Variants in ENPP6 observed in about 807,000 individuals in gnomAD.
The protein encoded by ENPP6 is ectonucleotide pyrophosphatase/phosphodiesterase 6.
ENPP6 carries 32 observed loss-of-function variants against 42.0 expected under a neutral mutation model. The ratio of observed to expected loss-of-function variants is 0.76; its 90% CI spans 0.58 to 1.02. The LOEUF (loss-of-function observed/expected upper bound fraction) is 1.02, where lower values mean the gene tolerates loss of function less well. Ranked by LOEUF, ENPP6 falls within the 50% of genes least tolerant of loss-of-function variation. The probability of loss-of-function intolerance (pLI) is 0.00; values close to 1 mark genes in which losing one functional copy is unlikely to be tolerated. For missense variants in ENPP6, 552 were observed against 566.8 expected (o/e 0.97, Z 0.27); for synonymous variants, 213 against 216.0 (o/e 0.99, Z 0.12).
intron 1 of ENPP6, among the ~76,000 whole-genome samples, chr4:184,209,732 A>G (rs941866472): frequency 1.4e-4 from 21 of 148,920 alleles, no homozygotes; most frequent in African/African-American, 5.3e-4. Context: ...GGAAATACAG[A>G]GAACGCCACA....
chr4:184,139,334 T>A (rs1736781839), intron 2 of ENPP6, among the ~76,000 whole-genome samples: 1 of 148,818 alleles, frequency 6.7e-6, no homozygotes, highest in Non-Finnish European at 1.5e-5. Context: ...TGAGGTGAAT[T>A]TTTTTTTTTT....
At chr4:184,193,364 A>T (rs1732734745) in intron 1 of ENPP6, among the ~76,000 whole-genome samples, 1 of 152,238 alleles carries the variant, frequency 6.6e-6, no homozygotes, top group Admixed American at 6.5e-5. Flanking sequence ...TTACTGAATG[A>T]AAGCAGCCAG....
At chr4:184,101,698 G>A (rs1420641746) in intron 6 of ENPP6, among the ~76,000 whole-genome samples, 1 of 152,192 alleles carries the variant, frequency 6.6e-6, no homozygotes, top group African/African-American at 2.4e-5. Flanking sequence ...ACCAGGACAA[G>A]TTGGCCATTG....
At chr4:184,094,235 C>A (rs1195506153) in intron 7 of ENPP6, among the ~76,000 whole-genome samples, 2 of 152,190 alleles carry the variant, frequency 1.3e-5, no homozygotes, top group Admixed American at 1.3e-4. Flanking sequence ...AGCCATCATG[C>A]CACTGCACTC....
At chr4:184,167,791 G>T (rs769989882) in intron 1 of ENPP6, among the ~76,000 whole-genome samples, 1 of 152,128 alleles carries the variant, frequency 6.6e-6, no homozygotes, top group South Asian at 2.1e-4. Flanking sequence ...AGCCGCAGCT[G>T]GTTTGTCCTG....
chr4:184,157,456 CTCTT>C lies in ENPP6; in HGVS notation c.242-3727_242-3724del, dbSNP rs908719419. On this transcript the variant is annotated intron_variant, in intron 1 of 7. Transcript: ENST00000296741. ...TTTTCTTTCTTTCTTTTCTTTCTCT[CTCTT>C]TCTTTCCTTCCTTTCCTTTCTTTCC... 2.0e-5 allele frequency among the ~76,000 whole-genome samples: 3 copies of C among 147,388 alleles called. No individual in the cohort carries two copies. In the Admixed American group the frequency reaches 2.1e-4, roughly 10 times the overall value.
intron 6 of ENPP6, among the ~76,000 whole-genome samples, chr4:184,099,584 G>A (rs1052626195): frequency 1.1e-4 from 17 of 152,230 alleles, no homozygotes; most frequent in African/African-American, 4.1e-4. Flanking sequence ...GGCTGAGCCT[G>A]CTTGTGCTTA....
chr4:184,153,724 C>A lies in ENPP6; in HGVS notation c.251G>T (p.Cys84Phe). ...NYYTLMTGRH[C>F]EVHQMIGNYM... is the part of the protein sequence containing the mutation. Reference sequence around the variant, plus strand: ...GTTCCCGATCATCTGATGGACTTCACAATGGCGGCCTATGTCAATGAGAAC... The same window carrying A: ...GTTCCCGATCATCTGATGGACTTCAAAATGGCGGCCTATGTCAATGAGAAC... Residue 84 changes from cysteine to phenylalanine, a missense_variant, in exon 2 of 8, where the codon TGT (cysteine) becomes TTT (phenylalanine). By Grantham distance (205) the Cys-to-Phe change is radical. Around this residue, in one of 2 missense-constraint regions of ENPP6, gnomAD observed 545 missense variants for 546.3 expected, o/e 1.00. Coordinates refer to ENST00000296741, the MANE Select transcript of ENPP6 (RefSeq NM_153343.4). 6.2e-7 allele frequency: 1 copy of A among 1,613,876 alleles called. No individual in the cohort carries two copies. Among genetic ancestry groups the A allele is most frequent in the Non-Finnish European group, 8.5e-7 (1 of 1,179,860 alleles).
At chr4:184,116,827 C>T in intron 5 of ENPP6, 29 bp downstream of exon 5, 1 of 1,610,138 alleles carries the variant, frequency 6.2e-7, no homozygotes, top group Non-Finnish European at 8.5e-7. Context: ...CCACATGGCC[C>T]TCCTCCGCCC....
chr4:184,195,161 G>A (rs1316497283), intron 1 of ENPP6, among the ~76,000 whole-genome samples: 1 of 152,086 alleles, frequency 6.6e-6, no homozygotes, highest in African/African-American at 2.4e-5. Flanking sequence ...AAGGGTACAA[G>A]TGCAGGTTTG....
intron 2 of ENPP6, among the ~76,000 whole-genome samples, chr4:184,125,218 A>T (rs1050048966): frequency 1.3e-5 from 2 of 152,124 alleles, no homozygotes; most frequent in African/African-American, 2.4e-5. Context: ...TTCAGGCATC[A>T]CTTCCTCCTG....
chr4:184,092,563 C>T lies in ENPP6; in HGVS notation c.1118-1181G>A, dbSNP rs139088317. Among the ~76,000 whole-genome samples the T allele has an allele frequency of 2.0e-5, 3 of 152,346 alleles. No individual in the cohort carries two copies. In the East Asian group the frequency reaches 5.8e-4, roughly 29 times the overall value. ...GATTTCAATCAAGGGATTTCTTCTT[C>T]TCTACAGCGGGCAGATGAGAGGCAG... On this transcript the variant is annotated intron_variant, in intron 7 of 7. Coordinates refer to ENST00000296741, the MANE Select transcript of ENPP6 (RefSeq NM_153343.4).
In ENPP6 at chr4:184,095,719, A is replaced by G. The variant is rs143948671; in HGVS notation, c.1117+1526T>C. On this transcript the variant is annotated intron_variant, in intron 7 of 7. Coordinates refer to ENST00000296741, the MANE Select transcript of ENPP6 (RefSeq NM_153343.4). ...ATATTCCTGAGACTCTCACTTGTAT[A>G]TAGTCCTTCCCAGACCACTGCTTTG... Among the ~76,000 whole-genome samples the G allele has an allele frequency of 4.2e-3, 644 of 151,776 alleles. 8 individuals carry two copies. The highest frequency in any genetic ancestry group is 0.015 in the African/African-American group (602 of 41,346).
intron 2 of ENPP6, among the ~76,000 whole-genome samples, chr4:184,147,643 G>C (rs183006163): frequency 6.6e-6 from 1 of 151,630 alleles, no homozygotes; most frequent in Non-Finnish European, 1.5e-5. Context: ...TCTACAAAAC[G>C]TAAAAAACTT....
chr4:184,194,653 C>G (rs994073429), intron 1 of ENPP6, among the ~76,000 whole-genome samples: 5 of 152,242 alleles, frequency 3.3e-5, no homozygotes, highest in Non-Finnish European at 5.9e-5. Context: ...GTCTTCTTCC[C>G]AGACCAGGGA....
intron 1 of ENPP6, among the ~76,000 whole-genome samples, chr4:184,201,130 C>T (rs1447796575): frequency 6.6e-6 from 1 of 152,178 alleles, no homozygotes; most frequent in African/African-American, 2.4e-5. Context: ...CCAGGACCCC[C>T]AGCTCTGCCC....
intron 1 of ENPP6, among the ~76,000 whole-genome samples, chr4:184,182,314 C>T (rs1009974081): frequency 1.2e-4 from 19 of 152,102 alleles, no homozygotes; most frequent in African/African-American, 3.9e-4. Flanking sequence ...CAATGAGATA[C>T]CATCTCATGC....
chr4:184,101,542 G>A (rs1736004987), intron 6 of ENPP6, among the ~76,000 whole-genome samples: 2 of 152,132 alleles, frequency 1.3e-5, no homozygotes, highest in Admixed American at 6.5e-5. Flanking sequence ...GAGACAGCTG[G>A]AAGAGCCAGG....
intron 2 of ENPP6, among the ~76,000 whole-genome samples, chr4:184,133,108 T>C (rs1269569258): frequency 1.3e-5 from 2 of 151,860 alleles, no homozygotes; most frequent in African/African-American, 4.8e-5. Context: ...CCAAATAGTT[T>C]CAGCTATTCT....
Sources: gnomAD v4.1 joint callset for allele counts (sites outside exome capture counted in the v4.1 genomes callset) on GRCh38, gnomAD v4.1.1 for gene constraint, gnomAD v4.1.1 regional missense constraint, MANE v1.5 for transcripts, NCBI Gene and HGNC (gene_info 2026-07-23, HGNC 2026-07-21) for gene names.